PTPRT: variants seen among roughly 807,000 people sequenced by gnomAD.
PTPRT encodes the protein protein tyrosine phosphatase receptor type T.
A neutral mutation model predicts 176.8 loss-of-function variants in PTPRT; 56 were observed. That is an observed-to-expected ratio of 0.32 (90% CI 0.26 to 0.40). The LOEUF (loss-of-function observed/expected upper bound fraction) is 0.40. Among genes scored for constraint, PTPRT ranks in the 10% least tolerant of loss-of-function variants. The probability of loss-of-function intolerance (pLI) is 1.00; values close to 1 mark genes in which losing one functional copy is unlikely to be tolerated. For synonymous variants in PTPRT, 783 were observed against 739.0 expected (o/e 1.06, Z -0.96); for missense variants, 1,540 against 1,908.2 (o/e 0.81, Z 3.60).
At chr20:42,220,028 T>C (rs1302265425) in intron 15 of PTPRT, among the ~76,000 whole-genome samples, 1 of 139,396 alleles carries the variant, frequency 7.2e-6, no homozygotes, top group African/African-American at 2.5e-5. Context: ...TCTTATCTTT[T>C]TAAAAAAGTT....
At chr20:42,494,844 C>T (rs369122978) in intron 7 of PTPRT, among the ~76,000 whole-genome samples, 1 of 152,156 alleles carries the variant, frequency 6.6e-6, no homozygotes. Flanking sequence ...TTCCTCTATC[C>T]CCAATCTTCT....
chr20:43,031,990 C>A (rs1449484486), intron 1 of PTPRT, among the ~76,000 whole-genome samples: 1 of 152,138 alleles, frequency 6.6e-6, no homozygotes, highest in African/African-American at 2.4e-5. Flanking sequence ...TCAGTGAAGA[C>A]TGGGCAATAG....
rs1022077453 is a variant in PTPRT at position 43,100,785 on chromosome 20, C to T, written c.88+88861G>A. ...GGGGACACCCAGACAGGCATAATAGCGCAAAGAGGGAAGGTGCCCAGGTGG... is the reference window on the plus strand; with the variant it reads ...GGGGACACCCAGACAGGCATAATAGTGCAAAGAGGGAAGGTGCCCAGGTGG... On this transcript the variant is annotated intron_variant, in intron 1 of 30. Transcript: ENST00000373187. Among the ~76,000 whole-genome samples, 23 of 152,116 alleles carry T rather than the reference C, an allele frequency of 1.5e-4. 1 individual carries two copies. The highest frequency in any genetic ancestry group is 5.3e-4 in the African/African-American group (22 of 41,416).
chr20:42,362,935 G>A (rs892516303), intron 9 of PTPRT, among the ~76,000 whole-genome samples: 30 of 151,472 alleles, frequency 2.0e-4, no homozygotes, highest in African/African-American at 6.1e-4. Context: ...GTGAAACCCC[G>A]TCTCCAATAA....
rs182827732 is a variant in PTPRT, at chr20:42,094,613, G to T, written c.3846+3808C>A. ...CATTTAAAATTATTTTGTAGGACTGGGTGCAGTGGCTCATGCCTATAACCC... is the reference window on the plus strand; with the variant it reads ...CATTTAAAATTATTTTGTAGGACTGTGTGCAGTGGCTCATGCCTATAACCC... On this transcript the variant is annotated intron_variant, in intron 27 of 30. Coordinates refer to ENST00000373187, the MANE Select transcript of PTPRT (RefSeq NM_007050.6). Among the ~76,000 whole-genome samples the T allele has an allele frequency of 1.6e-4, 25 of 152,164 alleles. No homozygotes were observed. In the East Asian group the frequency reaches 4.8e-3, roughly 29 times the overall value.
Position 43,116,626 on chromosome 20 carries a change from C to T in PTPRT, c.88+73020G>A, listed in dbSNP as rs914842075. ...AATCCTACCTGATGAGCCCTCACCC[C>T]AGGACTGGCTGCCCCTCTGTGTTTC... On this transcript the variant is annotated intron_variant, in intron 1 of 30. Coordinates refer to ENST00000373187, the MANE Select transcript of PTPRT (RefSeq NM_007050.6). Among the ~76,000 whole-genome samples the T allele has an allele frequency of 2.6e-5, 4 of 152,314 alleles. No homozygotes were observed. The South Asian group carries it at 8.3e-4, about 32-fold the overall frequency.
At chr20:43,057,064 C>G (rs1261367934) in intron 1 of PTPRT, among the ~76,000 whole-genome samples, 1 of 151,774 alleles carries the variant, frequency 6.6e-6, no homozygotes, top group Non-Finnish European at 1.5e-5. Context: ...ATATAACATT[C>G]TTGACATGAC....
intron 9 of PTPRT, among the ~76,000 whole-genome samples, chr20:42,382,827 G>T (rs1287947775): frequency 6.6e-6 from 1 of 152,118 alleles, no homozygotes; most frequent in Non-Finnish European, 1.5e-5. Context: ...ACCCATAGGT[G>T]GTCACTATTG....
At chr20:42,039,351 C>A in the PTPRT span, among the ~76,000 whole-genome samples, 1 of 151,954 alleles carries the variant, frequency 6.6e-6, no homozygotes, top group Non-Finnish European at 1.5e-5. Flanking sequence ...GCAAAAAACC[C>A]ATTCTGTTAG....
At chr20:42,659,111 C>T (rs763250154) in intron 7 of PTPRT, among the ~76,000 whole-genome samples, 9 of 151,962 alleles carry the variant, frequency 5.9e-5, no homozygotes, top group African/African-American at 9.7e-5. Context: ...ATCATTGCTA[C>T]GAAATGCCAT....
In PTPRT at chr20:42,633,485, G is replaced by A. The variant is rs776170020; in HGVS notation, c.1153+44381C>T. Among the ~76,000 whole-genome samples the A allele has an allele frequency of 5.1e-4, 77 of 151,780 alleles. 1 individual carries two copies. The highest frequency in any genetic ancestry group is 1.8e-3 in the African/African-American group (76 of 41,282). On this transcript the variant is annotated intron_variant, in intron 7 of 30. Transcript: ENST00000373187. ...ACTTCGTTGTAAGTTGACAGTAGGA[G>A]AAAATGGTTATTAGAATATGGTTTG...
chr20:42,413,954 G>A (rs542628019), intron 9 of PTPRT, among the ~76,000 whole-genome samples: 9 of 152,106 alleles, frequency 5.9e-5, no homozygotes, highest in Non-Finnish European at 1.2e-4. Context: ...AGGTTCAAGC[G>A]GTTCTCTTGC....
chr20:42,708,344 G>T (rs2076092466), intron 6 of PTPRT, among the ~76,000 whole-genome samples: 1 of 152,144 alleles, frequency 6.6e-6, no homozygotes, highest in South Asian at 2.1e-4. Context: ...CTAATAGGAA[G>T]CATGGTGTCC....
intron 1 of PTPRT, among the ~76,000 whole-genome samples, chr20:43,003,491 C>T (rs972223861): frequency 6.6e-6 from 1 of 152,304 alleles, no homozygotes; most frequent in Middle Eastern, 3.4e-3. Flanking sequence ...CTTGAGAAAC[C>T]ACGCCCAGCC....
At chr20:42,668,130 G>A (rs1220809335) in intron 7 of PTPRT, among the ~76,000 whole-genome samples, 1 of 152,138 alleles carries the variant, frequency 6.6e-6, no homozygotes, top group Non-Finnish European at 1.5e-5. Flanking sequence ...CAGCTAAGTA[G>A]GTGGTGGGGG....
intron 1 of PTPRT, among the ~76,000 whole-genome samples, chr20:43,177,581 A>C (rs2015151142): frequency 6.6e-6 from 1 of 152,242 alleles, no homozygotes; most frequent in African/African-American, 2.4e-5. Context: ...AGGCTTTGGA[A>C]GTATGAGGAA....
At chr20:42,550,609 G>A (rs1432237606) in intron 7 of PTPRT, among the ~76,000 whole-genome samples, 7 of 152,100 alleles carry the variant, frequency 4.6e-5, no homozygotes, top group East Asian at 1.9e-4. Context: ...CACAAATTCC[G>A]ACTGGTACAA....
chr20:42,985,661 T>C (rs1402095971), intron 1 of PTPRT, among the ~76,000 whole-genome samples: 1 of 152,138 alleles, frequency 6.6e-6, no homozygotes, highest in Non-Finnish European at 1.5e-5. Context: ...TTTAAAATTA[T>C]ATAGAATGAA....
At chr20:42,841,997 T>G (rs2078287363) in intron 2 of PTPRT, among the ~76,000 whole-genome samples, 1 of 151,948 alleles carries the variant, frequency 6.6e-6, no homozygotes, top group Non-Finnish European at 1.5e-5. Flanking sequence ...TCTCAGCATG[T>G]GACAGGAACC....
Sources: gnomAD v4.1 joint callset for allele counts (sites outside exome capture counted in the v4.1 genomes callset) on GRCh38, gnomAD v4.1.1 for gene constraint, MANE v1.5 for transcripts, NCBI Gene and HGNC (gene_info 2026-07-23, HGNC 2026-07-21) for gene names.